Variants in POPDC2 observed in about 807,000 individuals in gnomAD.
POPDC2 encodes popeye domain cAMP effector 2.
Under a neutral mutation model 30.5 loss-of-function variants are expected in POPDC2, and 24 were observed. The observed-to-expected ratio is 0.79, with a 90% confidence interval of 0.57 to 1.11. The LOEUF (loss-of-function observed/expected upper bound fraction) is 1.11, where lower values mean the gene tolerates loss of function less well. POPDC2 is among the 50% of genes least tolerant of loss of function. The pLI is 0.00. For synonymous variants in POPDC2, 185 were observed against 183.3 expected (o/e 1.01, Z -0.07); for missense variants, 409 against 447.0 (o/e 0.91, Z 0.77).
chr3:119,648,153 G>A lies in POPDC2; in HGVS notation c.*9C>T. On this transcript the variant is annotated 3_prime_UTR_variant, in exon 3 of 4. Transcript: ENST00000493094. ...TGAGCCGGTGGCTGTGCCCATGTTAGTTCTCCCTTCACCTCATGTACTCCC... is the reference window on the plus strand; with the variant it reads ...TGAGCCGGTGGCTGTGCCCATGTTAATTCTCCCTTCACCTCATGTACTCCC... The A allele has an allele frequency of 1.3e-6, 2 of 1,499,254 alleles. No homozygotes were observed. The highest frequency in any genetic ancestry group is 1.8e-6 in the Non-Finnish European group (2 of 1,120,104). The allele number at this position is 1,499,254 out of a possible 1,614,324, so 92.9% of individuals were successfully genotyped here.
intron 2 of POPDC2, among the ~76,000 whole-genome samples, chr3:119,652,880 A>G (rs540461642): frequency 6.6e-6 from 1 of 152,286 alleles, no homozygotes; most frequent in South Asian, 2.1e-4. Flanking sequence ...CCTGCCAGGT[A>G]GCACTGCCCG....
chr3:119,660,673 C>CCCCAACACCTCCA, upstream of POPDC2: 1 of 361,838 alleles, frequency 2.8e-6, no homozygotes, highest in South Asian at 3.8e-5. Flanking sequence ...TCTCTCCTCC[C>CCCCAACACCTCCA]CACCACCCCC....
At position 119,648,651 on chromosome 3, in the gene POPDC2, C is replaced by T. The variant is rs755488775; in HGVS notation, c.618G>A (p.Glu206=). Residue 206 remains glutamate, a synonymous_variant, in exon 3 of 4, where the codon GAG becomes GAA. Transcript: ENST00000493094. ...EGVFQVTLTA[E]TSCSYISWPR... is the part of the protein sequence containing the mutation. ...GCCAGGAAATGTAGCTACATGAGGTCTCAGCAGTCAGAGTGACCTGAGAGG... is the reference window on the plus strand; with the variant it reads ...GCCAGGAAATGTAGCTACATGAGGTTTCAGCAGTCAGAGTGACCTGAGAGG... The T allele has an allele frequency of 4.2e-5, 67 of 1,613,132 alleles. No individual in the cohort carries two copies. The East Asian group carries it at 1.1e-3, about 27-fold the overall frequency.
chr3:119,659,849 G>A (rs2052920798), intron 1 of POPDC2, 84 bp downstream of exon 1: 14 of 1,446,910 alleles, frequency 9.7e-6, no homozygotes, highest in Non-Finnish European at 1.0e-5. Context: ...AATGGAAAGG[G>A]ACATGAAATG....
intron 3 of POPDC2, among the ~76,000 whole-genome samples, chr3:119,646,467 CA>C (rs928106150): frequency 2.6e-5 from 4 of 151,862 alleles, no homozygotes; most frequent in African/African-American, 9.7e-5. Context: ...TTTGTCTCTA[CA>C]AAAAAATTTA....
In POPDC2 at chr3:119,648,293, C is replaced by G; in HGVS notation, c.976G>C (p.Ala326Pro). 1.9e-6 allele frequency: 3 copies of G among 1,613,990 alleles called. No individual in the cohort carries two copies. The highest frequency in any genetic ancestry group is 2.5e-6 in the Non-Finnish European group (3 of 1,179,980). The change falls in exon 3 of 4, where the codon GCC (alanine) becomes CCC (proline). Residue 326 changes from alanine (A) to proline (P), a missense_variant. Transcript: ENST00000493094. ...CCACTGTCTGGCCTGGACAACCTGGCCCGGGTAGGAGGTGCAGGAAAGTTG... is the reference window on the plus strand; with the variant it reads ...CCACTGTCTGGCCTGGACAACCTGGGCCGGGTAGGAGGTGCAGGAAAGTTG... ...TTNFPAPPTR[A>P]RLSRPDSGIL...
intron 1 of POPDC2, among the ~76,000 whole-genome samples, chr3:119,659,353 G>T (rs2052913962): frequency 6.6e-6 from 1 of 152,106 alleles, no homozygotes; most frequent in Non-Finnish European, 1.5e-5. Context: ...GGTGGGCAAG[G>T]GGTATTCACT....
rs200871576 is a variant in POPDC2, at chr3:119,660,231, C to A, written c.193G>T (p.Val65Leu). The change falls in exon 1 of 4, where the codon GTG becomes TTG. Residue 65 changes from valine to leucine, a missense_variant. Coordinates refer to ENST00000493094, the MANE Select transcript of POPDC2 (RefSeq NM_001369919.2). ...CAGGCACTGAACCAGCCCCACAGCA[C>A]GCAGCACAGGTAACCTGCACTCAGG... ...GFLSAGYLCC[V>L]LWGWFSACGL... 4.3e-6 allele frequency: 7 copies of A among 1,614,186 alleles called. No homozygotes were observed. Among genetic ancestry groups the A allele is most frequent in the Non-Finnish European group, 5.1e-6 (6 of 1,180,038 alleles).
At chr3:119,657,351 T>A (rs1359479023) in intron 1 of POPDC2, among the ~76,000 whole-genome samples, 1 of 152,176 alleles carries the variant, frequency 6.6e-6, no homozygotes. Context: ...TGCCTAGGTA[T>A]ACATGCGTGT....
intron 2 of POPDC2, among the ~76,000 whole-genome samples, chr3:119,652,039 C>T (rs554759724): frequency 3.6e-5 from 5 of 138,134 alleles, no homozygotes; most frequent in South Asian, 5.1e-4. Flanking sequence ...TCTGTTGTAA[C>T]GTTTTGACAA....
At chr3:119,659,682 G>T (rs2052918872) in intron 1 of POPDC2, among the ~76,000 whole-genome samples, 1 of 152,184 alleles carries the variant, frequency 6.6e-6, no homozygotes, top group Non-Finnish European at 1.5e-5. Context: ...CCTTCCAGCA[G>T]CAAGTGCACA....
At chr3:119,645,015 T>A (rs1005607497) in intron 3 of POPDC2, among the ~76,000 whole-genome samples, 3 of 152,224 alleles carry the variant, frequency 2.0e-5, no homozygotes, top group Non-Finnish European at 4.4e-5. Context: ...GTTTTCAAGT[T>A]GTTCTGAAAA....
At chr3:119,644,714 T>G (rs1269686681) in intron 3 of POPDC2, among the ~76,000 whole-genome samples, 1 of 152,176 alleles carries the variant, frequency 6.6e-6, no homozygotes, top group African/African-American at 2.4e-5. Context: ...TTCATGCCTC[T>G]CATATAAGTG....
rs779176764 is a variant in POPDC2, at chr3:119,648,654, A to C, written c.615T>G (p.Ala205=). The C allele has an allele frequency of 6.2e-6, 10 of 1,613,032 alleles. No homozygotes were observed. Among genetic ancestry groups the C allele is most frequent in the East Asian group, 2.2e-5 (1 of 44,894 alleles). Residue 205 remains alanine, a synonymous_variant, in exon 3 of 4, where the codon GCT becomes GCG. Transcript: ENST00000493094. The stretch of plus-strand genomic sequence containing the variant: ...AGGAAATGTAGCTACATGAGGTCTC[A>C]GCAGTCAGAGTGACCTGAGAGGGGT... The part of the protein sequence containing the change: ...EEGVFQVTLT[A]ETSCSYISWP...
At chr3:119,647,837 TTAGAA>T (rs2052761601) in intron 3 of POPDC2, among the ~76,000 whole-genome samples, 1 of 152,224 alleles carries the variant, frequency 6.6e-6, no homozygotes, top group Non-Finnish European at 1.5e-5. Flanking sequence ...GCCTCAGCTA[TTAGAA>T]TAAACTTGCA....
intron 1 of POPDC2, among the ~76,000 whole-genome samples, chr3:119,657,363 T>C (rs563508829): frequency 2.0e-5 from 3 of 152,244 alleles, no homozygotes; most frequent in South Asian, 4.1e-4. Context: ...CATGCGTGTA[T>C]ACAAATTACC....
chr3:119,657,238 G>GA (rs1256424972), intron 1 of POPDC2, among the ~76,000 whole-genome samples: 5 of 152,116 alleles, frequency 3.3e-5, no homozygotes, highest in Non-Finnish European at 5.9e-5. Context: ...TGACTGCAGA[G>GA]AAAAAAATCA....
chr3:119,644,318 C>T (rs767342566), intron 3 of POPDC2, among the ~76,000 whole-genome samples: 1 of 152,200 alleles, frequency 6.6e-6, no homozygotes, highest in Non-Finnish European at 1.5e-5. Context: ...CAACAGACTA[C>T]CTCGGAGCTG....
Position 119,642,151 on chromosome 3 carries a change from T to C in POPDC2, c.*454A>G, listed in dbSNP as rs1292789223. ...ACTCATTGGATCCTCACAACAACCC[T>C]GTGAGGTGGGTTTCATAACCCCCAC... On this transcript the variant is annotated 3_prime_UTR_variant, in exon 4 of 4. Transcript: ENST00000493094. 9.9e-6 allele frequency: 2 copies of C among 201,632 alleles called. No individual in the cohort carries two copies. The highest frequency in any genetic ancestry group is 2.1e-5 in the Non-Finnish European group (2 of 97,150). The allele number at this position is 201,632 out of a possible 1,614,324, so 12.5% of individuals were successfully genotyped here.
Sources: gnomAD v4.1 joint callset for allele counts (sites outside exome capture counted in the v4.1 genomes callset) on GRCh38, gnomAD v4.1.1 for gene constraint, MANE v1.5 for transcripts, NCBI Gene and HGNC (gene_info 2026-07-23, HGNC 2026-07-21) for gene names.